Variants in UNC13C observed in about 807,000 individuals in gnomAD.
UNC13C encodes the protein protein unc-13 homolog C.
A neutral mutation model predicts 245.4 loss-of-function variants in UNC13C; 174 were observed. The ratio of observed to expected loss-of-function variants is 0.71; its 90% CI spans 0.63 to 0.80. The LOEUF (loss-of-function observed/expected upper bound fraction) is 0.80. Ranked by LOEUF, UNC13C falls within the 30% of genes least tolerant of loss-of-function variation. UNC13C has a pLI of 0.00. For synonymous variants in UNC13C, 992 were observed against 895.1 expected (o/e 1.11, Z -1.93); for missense variants, 2,829 against 2,602.9 (o/e 1.09, Z -1.89).
rs144966019 is a variant in UNC13C at position 54,202,276 on chromosome 15, A to G, written c.3072-32754A>G. On this transcript the variant is annotated intron_variant, in intron 4 of 32. Coordinates refer to ENST00000260323, the MANE Select transcript of UNC13C (RefSeq NM_001080534.3). ...AATCTACAAATTCGATACAATTCCT[A>G]TCAAAATGCTACCATCATTCATCAC... Among the ~76,000 whole-genome samples, 5 of 152,052 alleles carry G rather than the reference A, an allele frequency of 3.3e-5. No individual in the cohort carries two copies. The East Asian group carries it at 5.8e-4, about 18-fold the overall frequency.
chr15:54,066,374 G>A (rs1898076342), intron 2 of UNC13C, among the ~76,000 whole-genome samples: 1 of 152,172 alleles, frequency 6.6e-6, no homozygotes, highest in Non-Finnish European at 1.5e-5. Context: ...GAAATCCCTT[G>A]TTAGGAAGTT....
the UNC13C span, among the ~76,000 whole-genome samples, chr15:53,908,610 CCA>C: frequency 6.9e-6 from 1 of 143,980 alleles, no homozygotes; most frequent in African/African-American, 2.5e-5. Context: ...ACATACAAAC[CCA>C]GGCATGGTGA....
chr15:54,248,830 G>A (rs1165026347), intron 7 of UNC13C, among the ~76,000 whole-genome samples: 1 of 152,104 alleles, frequency 6.6e-6, no homozygotes, highest in African/African-American at 2.4e-5. Context: ...TCCCTGGTAG[G>A]GGACCTCCTA....
At chr15:53,965,102 C>A in the UNC13C span, among the ~76,000 whole-genome samples, 2 of 152,168 alleles carry the variant, frequency 1.3e-5, no homozygotes, top group Admixed American at 1.3e-4. Context: ...ACAGGCAACA[C>A]AGCACAAAAT....
Position 54,561,516 on chromosome 15 carries a change from A to G in UNC13C, c.5958+6004A>G, listed in dbSNP as rs1367045493. ...CATGACATGAACATCAACAGGAAAA[A>G]GGAATTTCACCAGGGAAAGGCACAA... On this transcript the variant is annotated intron_variant, in intron 29 of 32. Coordinates refer to ENST00000260323, the MANE Select transcript of UNC13C (RefSeq NM_001080534.3). Among the ~76,000 whole-genome samples, 4 of 151,946 alleles carry G rather than the reference A, an allele frequency of 2.6e-5. No individual in the cohort carries two copies. The East Asian group carries it at 7.8e-4, about 30-fold the overall frequency.
At chr15:54,233,357 T>C (rs985241459) in intron 4 of UNC13C, among the ~76,000 whole-genome samples, 2 of 152,118 alleles carry the variant, frequency 1.3e-5, no homozygotes, top group African/African-American at 4.8e-5. Context: ...GTATTCTATT[T>C]CTTTATGATC....
intron 17 of UNC13C, among the ~76,000 whole-genome samples, chr15:54,379,417 A>G (rs1413627360): frequency 6.6e-6 from 1 of 152,164 alleles, no homozygotes; most frequent in Non-Finnish European, 1.5e-5. Flanking sequence ...ACCCAAAAGT[A>G]AGTGTATTAC....
chr15:53,988,522 A>G (rs1048253712), intron 1 of UNC13C, among the ~76,000 whole-genome samples: 1 of 151,942 alleles, frequency 6.6e-6, no homozygotes, highest in Non-Finnish European at 1.5e-5. Flanking sequence ...ATCTACCATC[A>G]CAAGCTCTTG....
intron 2 of UNC13C, among the ~76,000 whole-genome samples, chr15:54,024,559 C>T (rs1896025699): frequency 6.6e-6 from 1 of 151,260 alleles, no homozygotes; most frequent in Non-Finnish European, 1.5e-5. Flanking sequence ...CTGGACAGAG[C>T]TAAATGCATT....
the UNC13C span, among the ~76,000 whole-genome samples, chr15:53,898,157 C>G: frequency 6.6e-6 from 1 of 151,946 alleles, no homozygotes; most frequent in African/African-American, 2.4e-5. Context: ...CCTAAAAATG[C>G]AGACTTTCTC....
intron 2 of UNC13C, among the ~76,000 whole-genome samples, chr15:54,064,845 A>G (rs1595796966): frequency 1.3e-5 from 2 of 152,344 alleles, no homozygotes; most frequent in East Asian, 3.9e-4. Context: ...TTTACTGACC[A>G]TCATCATGTA....
intron 3 of UNC13C, 68 bp from the exon 4 acceptor site, chr15:54,143,552 T>C (rs934739625): frequency 1.5e-6 from 2 of 1,330,002 alleles, no homozygotes; most frequent in African/African-American, 2.9e-5. Context: ...TGTCCCGATT[T>C]CGTGTACATA....
rs1900490891 is a variant in UNC13C, at chr15:54,617,117, C to T, written c.6107-5210C>T. On this transcript the variant is annotated intron_variant, in intron 30 of 32. Coordinates refer to ENST00000260323, the MANE Select transcript of UNC13C (RefSeq NM_001080534.3). ...GATGATGTTCGCACAATGAAGAAATCACCTAACACATTTTTCAGAATTTAT... is the reference window on the plus strand; with the variant it reads ...GATGATGTTCGCACAATGAAGAAATTACCTAACACATTTTTCAGAATTTAT... Among the ~76,000 whole-genome samples the T allele has an allele frequency of 3.3e-5, 5 of 152,060 alleles. No homozygotes were observed. The South Asian group carries it at 1.0e-3, about 32-fold the overall frequency.
At chr15:54,432,068 A>G (rs2040883847) in intron 19 of UNC13C, among the ~76,000 whole-genome samples, 1 of 151,586 alleles carries the variant, frequency 6.6e-6, no homozygotes, top group African/African-American at 2.4e-5. Context: ...ATTTAAATAC[A>G]TTTCTAACAA....
At chr15:53,973,585 T>TAAAA (rs34383212), upstream of UNC13C, among the ~76,000 whole-genome samples, 1 of 147,758 alleles carries the variant, frequency 6.8e-6, no homozygotes, top group Admixed American at 6.7e-5. Flanking sequence ...TCAACAAAAT[T>TAAAA]AAAAAAAAAA....
At chr15:54,084,409 A>G (rs1899125067) in intron 2 of UNC13C, among the ~76,000 whole-genome samples, 1 of 152,188 alleles carries the variant, frequency 6.6e-6, no homozygotes, top group Admixed American at 6.5e-5. Flanking sequence ...TCGTGAAGAC[A>G]TATCTACCTT....
chr15:54,038,124 A>ATATATATATTTTTTTTTTTT, intron 2 of UNC13C, among the ~76,000 whole-genome samples: 2 of 45,032 alleles, frequency 4.4e-5, no homozygotes, highest in East Asian at 1.1e-3. Flanking sequence ...ATATATATAT[A>ATATATATATTTTTTTTTTTT]TTTTTTTTTT....
chr15:53,955,929 G>A, the UNC13C span: 1 of 152,154 alleles, frequency 6.6e-6, no homozygotes, highest in African/African-American at 2.4e-5. Flanking sequence ...AATCAACCTA[G>A]GTTCCCATCA....
At chr15:53,964,033 C>G in the UNC13C span, among the ~76,000 whole-genome samples, 41 of 152,190 alleles carry the variant, frequency 2.7e-4, no homozygotes, top group Admixed American at 1.7e-3. Context: ...GCCCATCTGT[C>G]TGGAAAGAAA....
Sources: allele counts gnomAD v4.1 joint callset (sites outside exome capture counted in the v4.1 genomes callset), GRCh38; gene constraint gnomAD v4.1.1; transcripts MANE v1.5; gene names NCBI Gene and HGNC (gene_info 2026-07-23, HGNC 2026-07-21).